RBM17: variants seen among roughly 807,000 people sequenced by gnomAD.
RBM17 encodes splicing factor 45.
Under a neutral mutation model 53.2 loss-of-function variants are expected in RBM17, and 7 were observed. That is an observed-to-expected ratio of 0.13 (90% CI 0.07 to 0.25). RBM17 has a LOEUF of 0.25. RBM17 is among the 10% of genes least tolerant of loss of function. The pLI, the probability that RBM17 is intolerant of heterozygous loss-of-function variation, is 1.00. For synonymous variants in RBM17, 167 were observed against 178.1 expected, an observed-to-expected ratio of 0.94 and a Z score of 0.50; for missense variants, 257 against 496.7, an observed-to-expected ratio of 0.52 and a Z score of 4.59.
intron 3 of RBM17, among the ~76,000 whole-genome samples, chr10:6,102,582 A>G (rs1840683736): frequency 6.6e-6 from 1 of 152,142 alleles, no homozygotes; most frequent in African/African-American, 2.4e-5. Flanking sequence ...AAACTGGTTC[A>G]TAGTTTCTTC....
At chr10:6,105,433 A>G (rs1840735330) in intron 4 of RBM17, among the ~76,000 whole-genome samples, 2 of 152,198 alleles carry the variant, frequency 1.3e-5, no homozygotes, top group Admixed American at 6.5e-5. Context: ...AAATGCTCCA[A>G]AATCTTTTGA....
intron 1 of RBM17, among the ~76,000 whole-genome samples, chr10:6,093,560 A>G (rs960033682): frequency 1.3e-5 from 2 of 152,210 alleles, no homozygotes; most frequent in Admixed American, 6.5e-5. Context: ...TGCTTGCTAT[A>G]TGACAGAAAT....
intron 1 of RBM17, among the ~76,000 whole-genome samples, chr10:6,095,071 G>A (rs1840552018): frequency 6.6e-6 from 1 of 152,184 alleles, no homozygotes; most frequent in African/African-American, 2.4e-5. Context: ...CTTAAGGAAT[G>A]GAGTTCATTA....
chr10:6,095,882 C>T (rs138839215), intron 1 of RBM17, among the ~76,000 whole-genome samples: 13 of 152,230 alleles, frequency 8.5e-5, no homozygotes, highest in African/African-American at 3.1e-4. Flanking sequence ...GTAAGAGTAC[C>T]TTCAAGAGAA....
chr10:6,089,440 C>G lies in RBM17; in HGVS notation c.-19+247C>G, dbSNP rs962594213. 1.4e-5 allele frequency: 2 copies of G among 146,784 alleles called. No homozygotes were observed. The highest frequency in any genetic ancestry group is 4.8e-5 in the African/African-American group (2 of 41,272). 9.1% of individuals were successfully genotyped at this position (146,784 alleles called of 1,614,324 possible). ...GGTGACCCTGGCCCTGACCTTCTCC[C>G]TCTTCCCTTCCTCCTCCTCCTCCTC... On this transcript the variant is annotated intron_variant, in intron 1 of 11. Coordinates refer to ENST00000379888, the MANE Select transcript of RBM17 (RefSeq NM_032905.5). The surrounding 1 kb of genome is among the most constrained non-coding windows in gnomAD (Gnocchi z 5.6).
In RBM17 at chr10:6,106,125, T is replaced by C. The variant is rs1469088309; in HGVS notation, c.408-16T>C. 1.3e-6 allele frequency: 2 copies of C among 1,591,944 alleles called. No individual in the cohort carries two copies. Among genetic ancestry groups the C allele is most frequent in the Non-Finnish European group, 1.7e-6 (2 of 1,160,290 alleles). On this transcript the variant is annotated splice_polypyrimidine_tract_variant and intron_variant, in intron 4 of 11. Transcript: ENST00000379888. ...GGTTCATCTGTGATGAACATTTATTTCCTTTGTTATCACAGAAGGCGTAAA... is the reference window on the plus strand; with the variant it reads ...GGTTCATCTGTGATGAACATTTATTCCCTTTGTTATCACAGAAGGCGTAAA...
In RBM17 at chr10:6,101,251, C is replaced by G; in HGVS notation, c.124-20C>G. 1 of 1,511,970 alleles carries G rather than the reference C, an allele frequency of 6.6e-7. No homozygotes were observed. The highest frequency in any genetic ancestry group is 9.0e-7 in the Non-Finnish European group (1 of 1,108,384). 93.7% of individuals were successfully genotyped at this position (1,511,970 alleles called of 1,614,324 possible). On this transcript the variant is annotated intron_variant, in intron 2 of 11. Coordinates refer to ENST00000379888, the MANE Select transcript of RBM17 (RefSeq NM_032905.5). ...TAATTTGAAACTTCAGTATGTTTTC[C>G]TTGTTTTTGATGATTTTAGAGCCAA... is the stretch of plus-strand genomic sequence containing the variant.
chr10:6,091,993 T>A (rs767867668), intron 1 of RBM17, among the ~76,000 whole-genome samples: 7 of 152,198 alleles, frequency 4.6e-5, no homozygotes, highest in Non-Finnish European at 8.8e-5. Context: ...AAAAATACTT[T>A]CCAGCTTGGG....
chr10:6,104,416 A>C (rs752680961), intron 3 of RBM17, among the ~76,000 whole-genome samples: 13 of 152,228 alleles, frequency 8.5e-5, no homozygotes, highest in Non-Finnish European at 1.2e-4. Context: ...CTGGGAAGGG[A>C]CATGTGTTCA....
chr10:6,105,899 T>C (rs1008952573), intron 4 of RBM17, among the ~76,000 whole-genome samples: 5 of 152,220 alleles, frequency 3.3e-5, no homozygotes, highest in African/African-American at 9.6e-5. Flanking sequence ...GAACCTTTTT[T>C]TTCATGCTGG....
In RBM17 at chr10:6,115,557, T is replaced by C. The variant is rs976570095; in HGVS notation, c.*1T>C. 21 of 1,573,502 alleles carry C rather than the reference T, an allele frequency of 1.3e-5. No individual in the cohort carries two copies. Among genetic ancestry groups the C allele is most frequent in the East Asian group, 8.9e-5 (4 of 44,720 alleles). On this transcript the variant is annotated 3_prime_UTR_variant, in exon 12 of 12. Coordinates refer to ENST00000379888, the MANE Select transcript of RBM17 (RefSeq NM_032905.5). Reference sequence around the variant, plus strand: ...CTTGGATTTGGCAGAACAAGTTTGATTTTAAGAACTAGAGCACGAGTCATC... The same window carrying C: ...CTTGGATTTGGCAGAACAAGTTTGACTTTAAGAACTAGAGCACGAGTCATC...
rs775748075 is a variant in RBM17, at chr10:6,105,035, A to G, written c.345A>G (p.Gln115=). 1 of 1,614,188 alleles carries G rather than the reference A, an allele frequency of 6.2e-7. No homozygotes were observed. Residue 115 remains glutamine (Q), a synonymous_variant, in exon 4 of 12, where the codon CAA becomes CAG. Coordinates refer to ENST00000379888, the MANE Select transcript of RBM17 (RefSeq NM_032905.5). The stretch of plus-strand genomic sequence containing the variant: ...ATTATGAGAAAGTAGTGAAGCGCCA[A>G]AGAGAGGAACGACAGAGACAGCGGG... ...PNDYEKVVKR[Q]REERQRQREL...
intron 1 of RBM17, among the ~76,000 whole-genome samples, chr10:6,094,050 C>T (rs952412304): frequency 6.6e-6 from 1 of 150,540 alleles, no homozygotes; most frequent in African/African-American, 2.4e-5. Context: ...TCTTGGCTCA[C>T]CGCAAGCTCT....
At chr10:6,107,683 T>A (rs1266820711) in intron 5 of RBM17, among the ~76,000 whole-genome samples, 1 of 151,816 alleles carries the variant, frequency 6.6e-6, no homozygotes, top group Non-Finnish European at 1.5e-5. Flanking sequence ...GGTTTCACCA[T>A]GTTGATCAGG....
At chr10:6,095,982 A>G (rs1012452786) in intron 1 of RBM17, among the ~76,000 whole-genome samples, 2 of 152,210 alleles carry the variant, frequency 1.3e-5, no homozygotes, top group African/African-American at 2.4e-5. Flanking sequence ...AGGCTTTTCA[A>G]TAACACGGTT....
Position 6,099,152 on chromosome 10 carries a change from G to C in RBM17, c.123+1964G>C, listed in dbSNP as rs78384579. The stretch of plus-strand genomic sequence containing the variant: ...ATTTCATGTAACTTTTGCTTTGCAG[G>C]GAAGATGCAGGTGTGAGCCACCGTG... On this transcript the variant is annotated intron_variant, in intron 2 of 11. Transcript: ENST00000379888. Among the ~76,000 whole-genome samples the C allele has an allele frequency of 5.6e-3, 828 of 148,314 alleles. 7 individuals carry two copies. Among genetic ancestry groups the C allele is most frequent in the African/African-American group, 0.019 (761 of 40,280 alleles).
chr10:6,109,522 G>T (rs560254662), intron 6 of RBM17, among the ~76,000 whole-genome samples: 19 of 152,272 alleles, frequency 1.2e-4, no homozygotes, highest in Non-Finnish European at 2.5e-4. Context: ...ATCTAACTAG[G>T]GTTGAAGCCA....
chr10:6,103,686 T>A (rs1257297326), intron 3 of RBM17, among the ~76,000 whole-genome samples: 1 of 152,240 alleles, frequency 6.6e-6, no homozygotes, highest in African/African-American at 2.4e-5. Context: ...TCTTATTCAT[T>A]GGATCATAGC....
At chr10:6,115,383 AC>A in intron 11 of RBM17, 69 bp from the exon 12 acceptor site, 1 of 1,529,558 alleles carries the variant, frequency 6.5e-7, no homozygotes, top group South Asian at 1.1e-5. Context: ...AAGTAAAGTT[AC>A]TGTTTAATTA....
Sources: gnomAD v4.1 joint callset for allele counts (sites outside exome capture counted in the v4.1 genomes callset) on GRCh38, gnomAD v4.1.1 for gene constraint, Gnocchi (gnomAD v3.1) non-coding constraint, MANE v1.5 for transcripts, NCBI Gene and HGNC (gene_info 2026-07-23, HGNC 2026-07-21) for gene names.